TNRC18: variants seen among roughly 807,000 people sequenced by gnomAD.
TNRC18 encodes the protein trinucleotide repeat-containing gene 18 protein.
In TNRC18, 69 loss-of-function variants were observed where a neutral mutation model predicts 226.7. That is an observed-to-expected ratio of 0.30 (90% CI 0.25 to 0.37). TNRC18 has a LOEUF of 0.37. Ranked by LOEUF, TNRC18 falls within the 10% of genes least tolerant of loss-of-function variation. The pLI is 1.00. For synonymous variants in TNRC18, 2,449 were observed against 1,927.6 expected, an observed-to-expected ratio of 1.27 and a Z score of -7.09; for missense variants, 4,754 against 4,256.6, an observed-to-expected ratio of 1.12 and a Z score of -3.25.
At chr7:5,411,653 G>A (rs1175032087) in intron 2 of TNRC18, among the ~76,000 whole-genome samples, 1 of 151,910 alleles carries the variant, frequency 6.6e-6, no homozygotes, top group African/African-American at 2.4e-5. Context: ...TTCACAGAAA[G>A]CCACCGCAGG....
At chr7:5,370,150 T>TA (rs760586035) in intron 11 of TNRC18, among the ~76,000 whole-genome samples, 26 of 151,600 alleles carry the variant, frequency 1.7e-4, no homozygotes, top group African/African-American at 5.3e-4. Context: ...ACCCCATCTC[T>TA]AAAAAAAAGA....
chr7:5,390,255 C>A, intron 4 of TNRC18: 1 of 557,998 alleles, frequency 1.8e-6, no homozygotes, highest in Non-Finnish European at 3.1e-6. Flanking sequence ...GTCCCAGCTA[C>A]TTGGGGGGCT....
At chr7:5,401,233 G>A (rs923286163) in intron 2 of TNRC18, among the ~76,000 whole-genome samples, 4 of 144,156 alleles carry the variant, frequency 2.8e-5, no homozygotes, top group Admixed American at 2.7e-4. Flanking sequence ...GAGTCGGGGG[G>A]GGGCGGGGGG....
chr7:5,348,920 G>A (rs1022956487), intron 17 of TNRC18, among the ~76,000 whole-genome samples: 1 of 147,596 alleles, frequency 6.8e-6, no homozygotes, highest in East Asian at 2.1e-4. Flanking sequence ...CCCACATCAG[G>A]TCTCCCTGGG....
chr7:5,315,125 G>C lies in TNRC18; in HGVS notation c.6886C>G (p.Leu2296Val), dbSNP rs1419104393. The change falls in exon 26 of 30, where the codon CTG (leucine) becomes GTG (valine). Residue 2296 changes from leucine to valine, a missense_variant. Coordinates refer to ENST00000430969, the MANE Select transcript of TNRC18 (RefSeq NM_001080495.3). ...CTGCGGCGCTTGGCACTTGGCACCA[G>C]AAGGGCCGGGGACGGCTCAGCACCT... ...IQCAEPSPAL[L>V]VPSAKRRSRK... The C allele has an allele frequency of 6.2e-7, 1 of 1,612,670 alleles. No individual in the cohort carries two copies. The highest frequency in any genetic ancestry group is 8.5e-7 in the Non-Finnish European group (1 of 1,179,666).
chr7:5,415,975 G>A (rs899716796), intron 2 of TNRC18, among the ~76,000 whole-genome samples: 43 of 151,304 alleles, frequency 2.8e-4, no homozygotes, highest in Admixed American at 2.3e-3. Flanking sequence ...TTGGCTGGGC[G>A]TGGTGGCAGG....
At chr7:5,345,517 G>GGGGGGCGGCCCCCCCCCCCCCC in intron 18 of TNRC18, 45 bp downstream of exon 18, 1 of 377,744 alleles carries the variant, frequency 2.6e-6, no homozygotes, top group Non-Finnish European at 4.8e-6. Flanking sequence ...AATGGCGTCC[G>GGGGGGCGGCCCCCCCCCCCCCC]CCCCTCCCAC....
chr7:5,402,072 C>T lies in TNRC18; in HGVS notation c.188-7477G>A, dbSNP rs186676185. On this transcript the variant is annotated intron_variant, in intron 2 of 29. Coordinates refer to ENST00000430969, the MANE Select transcript of TNRC18 (RefSeq NM_001080495.3). ...CGGGCCCCTGTAGTCCCAGCTACTC[C>T]GGAGGCTGAGGCAGGAGAACGGCAT... Among the ~76,000 whole-genome samples, 316 of 150,614 alleles carry T rather than the reference C, an allele frequency of 2.1e-3. 2 individuals are homozygous for T. The highest frequency in any genetic ancestry group is 7.2e-3 in the African/African-American group (292 of 40,790).
intron 2 of TNRC18, among the ~76,000 whole-genome samples, chr7:5,395,684 G>T (rs1041542343): frequency 6.6e-6 from 1 of 152,216 alleles, no homozygotes; most frequent in African/African-American, 2.4e-5. Flanking sequence ...GGAAGCATGT[G>T]TTTAACCACA....
Position 5,384,311 on chromosome 7 carries a change from G to A in TNRC18, c.2152+3361C>T, listed in dbSNP as rs1010946322. The stretch of plus-strand genomic sequence containing the variant: ...AGACAAGGTCTTGCTAGGTCGCCCA[G>A]GCTGGCCTCAACCTCCTAAGCTCAA... On this transcript the variant is annotated intron_variant, in intron 5 of 29. Transcript: ENST00000430969. 3.9e-5 allele frequency among the ~76,000 whole-genome samples: 6 copies of A among 152,078 alleles called. No individual in the cohort carries two copies. In the South Asian group the frequency reaches 1.2e-3, roughly 32 times the overall value.
At chr7:5,341,765 A>G (rs1016071391) in intron 18 of TNRC18, among the ~76,000 whole-genome samples, 4 of 107,360 alleles carry the variant, frequency 3.7e-5, no homozygotes, top group Admixed American at 8.8e-5. Context: ...TCCGTCTCAA[A>G]AAAAAAAAAA....
chr7:5,331,280 TAGG>T (rs1789495470), intron 19 of TNRC18, among the ~76,000 whole-genome samples: 1 of 151,916 alleles, frequency 6.6e-6, no homozygotes, highest in South Asian at 2.1e-4. Flanking sequence ...CGCATCCAAA[TAGG>T]AGGAGGAAGC....
In TNRC18 at chr7:5,312,876, G is replaced by C; in HGVS notation, c.8015C>G (p.Thr2672Ser). The C allele has an allele frequency of 6.5e-7, 1 of 1,527,208 alleles. No homozygotes were observed. The highest frequency in any genetic ancestry group is 8.8e-7 in the Non-Finnish European group (1 of 1,136,994). The allele number at this position is 1,527,208 out of a possible 1,614,324, so 94.6% of individuals were successfully genotyped here. ...GCTGCAGGAAGAGTCCTCGTCTGTG[G>C]TGGAGGAAGAAGAGGAGGAAGAGGA... The part of the protein sequence containing the change: ...SSSSSSSSSS[T>S]TDEDSSCSSD... The change falls in exon 27 of 30, where the codon ACC becomes AGC. Residue 2672 changes from threonine to serine, a missense_variant. Physicochemically the swap from Thr to Ser is moderately conservative, Grantham distance 58. Coordinates refer to ENST00000430969, the MANE Select transcript of TNRC18 (RefSeq NM_001080495.3). The surrounding 1 kb of genome is among the most constrained non-coding windows in gnomAD (Gnocchi z 6.3).
intron 2 of TNRC18, 28 bp downstream of exon 2, chr7:5,421,032 G>C (rs1014946262): frequency 4.6e-6 from 7 of 1,536,162 alleles, no homozygotes; most frequent in Non-Finnish European, 6.2e-6. Context: ...GAAGACAGGA[G>C]GGGACGGGCA....
chr7:5,344,375 T>C (rs1375531709), intron 18 of TNRC18, among the ~76,000 whole-genome samples: 5 of 152,134 alleles, frequency 3.3e-5, no homozygotes, highest in Admixed American at 2.0e-4. Flanking sequence ...GTATGAACAA[T>C]ACCTAAGAAT....
At chr7:5,395,289 G>A (rs1178577998) in intron 2 of TNRC18, among the ~76,000 whole-genome samples, 1 of 152,180 alleles carries the variant, frequency 6.6e-6, no homozygotes, top group Admixed American at 6.5e-5. Flanking sequence ...CAGGCGTGGG[G>A]GCCGCTAAGG....
chr7:5,314,988 C>T lies in TNRC18; in HGVS notation c.7023G>A (p.Lys2341=). The T allele has an allele frequency of 6.2e-7, 1 of 1,605,842 alleles. No homozygotes were observed. Among genetic ancestry groups the T allele is most frequent in the Non-Finnish European group, 8.5e-7 (1 of 1,177,372 alleles). The change falls in exon 26 of 30, where the codon AAG becomes AAA. Residue 2341 remains lysine (K), a synonymous_variant. Transcript: ENST00000430969. The part of the protein sequence containing the change: ...GRGRKPSAKA[K]GDRAATLEEG... ...CTGGGGACCAGGCCAACCTACCACC[C>T]TTGGCCTTGGCGCTGGGTTTCCGCC...
chr7:5,354,127 C>G (rs917327150), intron 16 of TNRC18, among the ~76,000 whole-genome samples: 1 of 151,950 alleles, frequency 6.6e-6, no homozygotes, highest in Non-Finnish European at 1.5e-5. Flanking sequence ...CACTTGAACC[C>G]GGGAGGCGGA....
At chr7:5,353,167 C>T (rs1792008433) in intron 16 of TNRC18, among the ~76,000 whole-genome samples, 1 of 152,200 alleles carries the variant, frequency 6.6e-6, no homozygotes, top group Non-Finnish European at 1.5e-5. Flanking sequence ...CTTGTATGCT[C>T]CAATCTGTCC....
Sources: gnomAD v4.1 joint callset for allele counts (sites outside exome capture counted in the v4.1 genomes callset) on GRCh38, gnomAD v4.1.1 for gene constraint, Gnocchi (gnomAD v3.1) non-coding constraint, MANE v1.5 for transcripts, NCBI Gene and HGNC (gene_info 2026-07-23, HGNC 2026-07-21) for gene names.